Variants in DSCAM observed in about 807,000 individuals in gnomAD.
DSCAM encodes the protein cell adhesion molecule DSCAM.
Under a neutral mutation model 217.7 loss-of-function variants are expected in DSCAM, and 47 were observed. The observed-to-expected ratio is 0.22, with a 90% CI of 0.17 to 0.28. DSCAM has a LOEUF of 0.28. DSCAM is among the 10% of genes least tolerant of loss of function. DSCAM has a pLI of 1.00. For synonymous variants in DSCAM, 1,056 were observed against 1,015.3 expected (o/e 1.04, Z -0.76); for missense variants, 2,080 against 2,618.3 (o/e 0.79, Z 4.49).
At chr21:40,330,287 T>C (rs1198753717) in intron 8 of DSCAM, among the ~76,000 whole-genome samples, 3 of 147,620 alleles carry the variant, frequency 2.0e-5, no homozygotes, top group African/African-American at 7.4e-5. Context: ...ATTTATTATA[T>C]TATATGCATA....
At chr21:40,620,925 C>G (rs186243477) in intron 3 of DSCAM, among the ~76,000 whole-genome samples, 23 of 152,274 alleles carry the variant, frequency 1.5e-4, no homozygotes, top group Admixed American at 7.8e-4. Flanking sequence ...TGCACTGATG[C>G]GTGTGACGAC....
intron 3 of DSCAM, among the ~76,000 whole-genome samples, chr21:40,634,886 CTTGAG>C (rs1291236589): frequency 2.0e-5 from 3 of 152,190 alleles, no homozygotes; most frequent in Admixed American, 1.3e-4. Flanking sequence ...ATCACCCTTC[CTTGAG>C]TTATTTTTCT....
At chr21:40,661,504 T>C (rs754989060) in intron 3 of DSCAM, among the ~76,000 whole-genome samples, 1 of 152,112 alleles carries the variant, frequency 6.6e-6, no homozygotes, top group African/African-American at 2.4e-5. Context: ...AGAATGACAG[T>C]GAGGATAAGA....
At chr21:40,646,431 G>C (rs1225102231) in intron 3 of DSCAM, among the ~76,000 whole-genome samples, 2 of 151,088 alleles carry the variant, frequency 1.3e-5, no homozygotes, top group Non-Finnish European at 3.0e-5. Context: ...AAAAAAAAGG[G>C]GGGCTGTTCA....
chr21:40,261,056 C>G (rs2073443321), intron 11 of DSCAM, among the ~76,000 whole-genome samples: 2 of 152,214 alleles, frequency 1.3e-5, no homozygotes, highest in Non-Finnish European at 2.9e-5. Context: ...TAGACAATAG[C>G]ATGAGCATTG....
intron 1 of DSCAM, among the ~76,000 whole-genome samples, chr21:40,748,367 A>C (rs929321457): frequency 7.9e-5 from 12 of 152,054 alleles, no homozygotes; most frequent in African/African-American, 2.9e-4. Context: ...TAGAACTAAT[A>C]AATGAATTTG....
chr21:40,156,241 C>T (rs537969270), intron 16 of DSCAM, among the ~76,000 whole-genome samples: 20 of 141,790 alleles, frequency 1.4e-4, no homozygotes, highest in South Asian at 2.3e-4. Flanking sequence ...CAGATGGGAA[C>T]GGCACTGCCA....
At position 40,779,460 on chromosome 21, in the gene DSCAM, A is replaced by G. The variant is rs547115996; in HGVS notation, c.43+67159T>C. Among the ~76,000 whole-genome samples, 9 of 152,322 alleles carry G rather than the reference A, an allele frequency of 5.9e-5. No homozygotes were observed. The East Asian group carries it at 1.3e-3, about 23-fold the overall frequency. ...CCCTTCAATGCTGTTACACATTTAT[A>G]ACATTTTCTTGTAAAAGTACTCATT... On this transcript the variant is annotated intron_variant, in intron 1 of 32. Transcript: ENST00000400454.
At chr21:40,574,443 A>G (rs1296457948) in intron 3 of DSCAM, among the ~76,000 whole-genome samples, 1 of 152,214 alleles carries the variant, frequency 6.6e-6, no homozygotes, top group African/African-American at 2.4e-5. Flanking sequence ...GAAATACTCA[A>G]AAAACTAAGA....
chr21:40,042,288 G>A, intron 32 of DSCAM, 83 bp downstream of exon 32: 1 of 1,484,508 alleles, frequency 6.7e-7, no homozygotes, highest in Non-Finnish European at 9.2e-7. Flanking sequence ...TGAACACTGA[G>A]AAGGGCTTTC....
chr21:40,012,937 T>C lies in DSCAM; in HGVS notation c.*97A>G, dbSNP rs2088085022. The C allele has an allele frequency of 1.0e-6, 1 of 964,172 alleles. No homozygotes were observed. Among genetic ancestry groups the C allele is most frequent in the Non-Finnish European group, 1.4e-6 (1 of 723,956 alleles). The allele number at this position is 964,172 out of a possible 1,614,324, so 59.7% of individuals were successfully genotyped here. On this transcript the variant is annotated 3_prime_UTR_variant, in exon 33 of 33. Coordinates refer to ENST00000400454, the MANE Select transcript of DSCAM (RefSeq NM_001389.5). ...TTTTTTTTAATATATTTTGGCAATT[T>C]TCTTTAATTATAAATATTGGAATTC...
intron 1 of DSCAM, among the ~76,000 whole-genome samples, chr21:40,767,600 C>T (rs2091404814): frequency 6.6e-6 from 1 of 152,190 alleles, no homozygotes; most frequent in South Asian, 2.1e-4. Flanking sequence ...AATGAACCTT[C>T]CTGCAAAGTA....
At chr21:40,666,524 T>G (rs551283444) in intron 3 of DSCAM, among the ~76,000 whole-genome samples, 9 of 152,224 alleles carry the variant, frequency 5.9e-5, no homozygotes, top group Non-Finnish European at 1.2e-4. Context: ...CACCAACACC[T>G]GTTCTTCCTC....
intron 11 of DSCAM, among the ~76,000 whole-genome samples, chr21:40,254,421 C>T (rs991808674): frequency 1.3e-5 from 2 of 152,112 alleles, no homozygotes; most frequent in African/African-American, 4.8e-5. Flanking sequence ...CATTATGCTC[C>T]CCCATTCCTC....
intron 10 of DSCAM, among the ~76,000 whole-genome samples, chr21:40,295,044 G>A (rs530900589): frequency 2.6e-5 from 4 of 152,064 alleles, no homozygotes; most frequent in African/African-American, 9.6e-5. Context: ...TTTTCCTTTG[G>A]TCATTGTTGC....
At chr21:40,150,110 C>A (rs959808169) in intron 16 of DSCAM, among the ~76,000 whole-genome samples, 4 of 152,176 alleles carry the variant, frequency 2.6e-5, no homozygotes, top group African/African-American at 9.7e-5. Flanking sequence ...TAAAAAACCC[C>A]ACACAGTATA....
rs1426658437 is a variant in DSCAM, at chr21:40,487,322, TGTGTGAGA to T, written c.509-118085_509-118078del. 4.9e-3 allele frequency among the ~76,000 whole-genome samples: 679 copies of T among 138,304 alleles called. 2 individuals carry two copies. The highest frequency in any genetic ancestry group is 6.8e-3 in the South Asian group (29 of 4,278). 90.7% of individuals were successfully genotyped at this position (138,304 alleles called of 152,430 possible). On this transcript the variant is annotated intron_variant, in intron 3 of 32. Transcript: ENST00000400454. ...GTGCGTGCGTGTGTGTGTGTGTGTG[TGTGTGAGA>T]GAGAGAGAGAGAGAGAGAGAGAGAG... is the stretch of plus-strand genomic sequence containing the variant.
chr21:40,443,921 G>T (rs917555483), intron 3 of DSCAM, among the ~76,000 whole-genome samples: 7 of 152,102 alleles, frequency 4.6e-5, no homozygotes, highest in Non-Finnish European at 1.5e-5. Context: ...AAGCTTTCTG[G>T]CTGTGAACTT....
chr21:40,361,716 T>C (rs1280590933), intron 4 of DSCAM, among the ~76,000 whole-genome samples: 1 of 152,202 alleles, frequency 6.6e-6, no homozygotes, highest in Non-Finnish European at 1.5e-5. Flanking sequence ...CTAATAAAAA[T>C]ACGGTTTTGT....
Sources: allele counts gnomAD v4.1 joint callset (sites outside exome capture counted in the v4.1 genomes callset), GRCh38; gene constraint gnomAD v4.1.1; transcripts MANE v1.5; gene names NCBI Gene and HGNC (gene_info 2026-07-23, HGNC 2026-07-21).